ANAPC10: variants seen among roughly 807,000 people sequenced by gnomAD.
The protein encoded by ANAPC10 is anaphase promoting complex subunit 10, also known as anaphase-promoting complex subunit 10.
A neutral mutation model predicts 22.0 loss-of-function variants in ANAPC10; 12 were observed. That is an observed-to-expected ratio of 0.55 (90% CI 0.35 to 0.88). The LOEUF (loss-of-function observed/expected upper bound fraction) is 0.88. Ranked by LOEUF, ANAPC10 falls within the 40% of genes least tolerant of loss-of-function variation. The probability of loss-of-function intolerance (pLI) is 0.01; values close to 1 mark genes in which losing one functional copy is unlikely to be tolerated. For synonymous variants in ANAPC10, 65 were observed against 69.5 expected (o/e 0.94, Z 0.32); for missense variants, 188 against 220.9 (o/e 0.85, Z 0.94).
chr4:145,023,189 T>C (rs1013782959), intron 4 of ANAPC10, among the ~76,000 whole-genome samples: 4 of 152,086 alleles, frequency 2.6e-5, no homozygotes, highest in African/African-American at 9.7e-5. Flanking sequence ...CAAAAGAGTA[T>C]GCACAATATG....
rs1052718930 is a variant in ANAPC10, at chr4:145,044,248, C to T, written c.327+20324G>A. Among the ~76,000 whole-genome samples the T allele has an allele frequency of 3.3e-5, 5 of 152,160 alleles. No homozygotes were observed. In the South Asian group the frequency reaches 6.2e-4, roughly 19 times the overall value. ...TATAGCAATGTGTTTGACAAAAATACGTTCTTACCTTTCAGAAAAGAGCTC... is the reference window on the plus strand; with the variant it reads ...TATAGCAATGTGTTTGACAAAAATATGTTCTTACCTTTCAGAAAAGAGCTC... On this transcript the variant is annotated intron_variant, in intron 4 of 4. Coordinates refer to ENST00000507656, the MANE Select transcript of ANAPC10 (RefSeq NM_001256706.2).
chr4:145,019,008 T>TA (rs1735616239), intron 4 of ANAPC10, among the ~76,000 whole-genome samples: 1 of 152,210 alleles, frequency 6.6e-6, no homozygotes, highest in East Asian at 1.9e-4. Context: ...GTGGGGGACT[T>TA]AAATACTCCA....
intron 3 of ANAPC10, among the ~76,000 whole-genome samples, chr4:145,072,961 G>C (rs1744697336): frequency 6.6e-6 from 1 of 151,150 alleles, no homozygotes; most frequent in Non-Finnish European, 1.5e-5. Flanking sequence ...GCAGTGGCAT[G>C]ACAATAGTTC....
chr4:145,019,161 C>T (rs1052544246), intron 4 of ANAPC10, among the ~76,000 whole-genome samples: 2 of 152,076 alleles, frequency 1.3e-5, no homozygotes, highest in African/African-American at 4.8e-5. Context: ...TATTCAATAG[C>T]GCATGGGACT....
intron 4 of ANAPC10, among the ~76,000 whole-genome samples, chr4:145,060,053 A>G (rs1339354814): frequency 6.6e-6 from 1 of 152,130 alleles, no homozygotes; most frequent in African/African-American, 2.4e-5. Flanking sequence ...AAGACAGTGT[A>G]GACTCAGAAA....
chr4:145,055,444 G>A (rs1475833584), intron 4 of ANAPC10, among the ~76,000 whole-genome samples: 1 of 152,106 alleles, frequency 6.6e-6, no homozygotes. Context: ...TGTAGTCCCA[G>A]CTACTCAGGA....
At chr4:145,073,768 C>G (rs868837308) in intron 3 of ANAPC10, among the ~76,000 whole-genome samples, 125 of 151,998 alleles carry the variant, frequency 8.2e-4, no homozygotes, top group African/African-American at 2.7e-3. Context: ...ATTCTTGTGT[C>G]CTTTTCTATT....
intron 2 of ANAPC10, among the ~76,000 whole-genome samples, chr4:145,095,028 G>A (rs1748295066): frequency 6.6e-6 from 1 of 152,170 alleles, no homozygotes; most frequent in South Asian, 2.1e-4. Flanking sequence ...AGTAGAGATA[G>A]AGGAGGAAAA....
intron 4 of ANAPC10, among the ~76,000 whole-genome samples, chr4:145,053,501 C>A (rs140395164): frequency 1.3e-5 from 2 of 152,276 alleles, no homozygotes; most frequent in Non-Finnish European, 2.9e-5. Flanking sequence ...AATTAGCTAT[C>A]TAATTACAAA....
intron 4 of ANAPC10, among the ~76,000 whole-genome samples, chr4:145,061,106 AT>A (rs1389628973): frequency 6.6e-6 from 1 of 152,118 alleles, no homozygotes; most frequent in African/African-American, 2.4e-5. Flanking sequence ...ACCTGATAAT[AT>A]TTTGTATTAC....
chr4:145,009,915 T>C (rs1322404573), intron 4 of ANAPC10, among the ~76,000 whole-genome samples: 1 of 152,126 alleles, frequency 6.6e-6, no homozygotes, highest in Non-Finnish European at 1.5e-5. Context: ...ATTTTTGCAA[T>C]CTACCCATCT....
At chr4:145,000,834 C>CAT (rs531327139) in intron 4 of ANAPC10, among the ~76,000 whole-genome samples, 20 of 152,076 alleles carry the variant, frequency 1.3e-4, no homozygotes, top group South Asian at 2.1e-4. Flanking sequence ...GAAAATGTGA[C>CAT]ATATATATAC....
chr4:145,061,212 T>C (rs752394727), intron 4 of ANAPC10, among the ~76,000 whole-genome samples: 1 of 152,166 alleles, frequency 6.6e-6, no homozygotes, highest in Non-Finnish European at 1.5e-5. Flanking sequence ...TCTATATGGC[T>C]AATGTTTCAG....
At chr4:145,060,972 C>T (rs1402108881) in intron 4 of ANAPC10, among the ~76,000 whole-genome samples, 3 of 152,044 alleles carry the variant, frequency 2.0e-5, no homozygotes, top group South Asian at 2.1e-4. Context: ...ATTCATATCA[C>T]GAGCTGCAAA....
chr4:145,000,680 C>G lies in ANAPC10; in HGVS notation c.328-5077G>C, dbSNP rs193014902. On this transcript the variant is annotated intron_variant, in intron 4 of 4. Transcript: ENST00000507656. ...CTAGAACTAGAAATACTATTTGACC[C>G]AGCATTCCCATTACTGGGTATATAC... 3.7e-4 allele frequency among the ~76,000 whole-genome samples: 57 copies of G among 152,296 alleles called. 1 individual carries two copies. Among genetic ancestry groups the G allele is most frequent in the African/African-American group, 1.3e-3 (56 of 41,562 alleles).
At chr4:145,024,261 A>G (rs867777283) in intron 4 of ANAPC10, among the ~76,000 whole-genome samples, 42 of 152,300 alleles carry the variant, frequency 2.8e-4, no homozygotes, top group African/African-American at 8.2e-4. Context: ...ACTGGAATCA[A>G]CTTCTTCCAA....
At chr4:145,059,315 GGTTGTGC>G (rs1742528962) in intron 4 of ANAPC10, among the ~76,000 whole-genome samples, 1 of 152,046 alleles carries the variant, frequency 6.6e-6, no homozygotes, top group Non-Finnish European at 1.5e-5. Flanking sequence ...GGACTCACAT[GGTTGTGC>G]TACTGAAATA....
intron 2 of ANAPC10, among the ~76,000 whole-genome samples, chr4:145,092,555 TG>T (rs1747837216): frequency 6.6e-6 from 1 of 152,168 alleles, no homozygotes; most frequent in African/African-American, 2.4e-5. Context: ...AAAGACCAAA[TG>T]CAGGCTAGCA....
chr4:145,018,488 A>G (rs987460789), intron 4 of ANAPC10, among the ~76,000 whole-genome samples: 8 of 152,030 alleles, frequency 5.3e-5, no homozygotes, highest in Non-Finnish European at 2.9e-5. Context: ...ACAAAAAAAA[A>G]TAAGCCAGGC....
Sources: gnomAD v4.1 joint callset for allele counts (sites outside exome capture counted in the v4.1 genomes callset) on GRCh38, gnomAD v4.1.1 for gene constraint, MANE v1.5 for transcripts, NCBI Gene and HGNC (gene_info 2026-07-23, HGNC 2026-07-21) for gene names.